Variants in TEX14 observed in about 807,000 individuals in gnomAD.
TEX14 encodes inactive serine/threonine-protein kinase TEX14.
In TEX14, 168 loss-of-function variants were observed where a neutral mutation model predicts 178.6. The ratio of observed to expected loss-of-function variants is 0.94; its 90% CI spans 0.83 to 1.07. TEX14 has a LOEUF of 1.07. Among genes scored for constraint, TEX14 ranks in the 50% least tolerant of loss-of-function variants. The pLI, the probability that TEX14 is intolerant of heterozygous loss-of-function variation, is 0.00. For synonymous variants in TEX14, 626 were observed against 634.1 expected (o/e 0.99, Z 0.19); for missense variants, 1,730 against 1,753.6 (o/e 0.99, Z 0.24).
intron 2 of TEX14, 57 bp from the exon 3 acceptor site, chr17:58,630,611 T>C: frequency 8.2e-7 from 1 of 1,212,466 alleles, no homozygotes; most frequent in Non-Finnish European, 1.2e-6. Context: ...GAGAAGGAAC[T>C]GGGTAGGGGG....
intron 8 of TEX14, 41 bp downstream of exon 8, chr17:58,615,191 A>G (rs1008377854): frequency 8.4e-7 from 1 of 1,191,212 alleles, no homozygotes. Flanking sequence ...GAGTCTGTAG[A>G]GAGACCTGGA....
At chr17:58,649,083 T>G (rs2143230470) in intron 2 of TEX14, among the ~76,000 whole-genome samples, 1 of 147,610 alleles carries the variant, frequency 6.8e-6, no homozygotes, top group East Asian at 2.0e-4. Context: ...GGCCTCTTTT[T>G]TTTTTTTTTC....
intron 1 of TEX14, among the ~76,000 whole-genome samples, chr17:58,667,871 C>T (rs1296577464): frequency 2.1e-5 from 3 of 143,762 alleles, no homozygotes; most frequent in Admixed American, 7.2e-5. Flanking sequence ...CCAGCCTGGG[C>T]GACAGAGTGA....
intron 15 of TEX14, among the ~76,000 whole-genome samples, chr17:58,591,981 C>T (rs1032602340): frequency 6.6e-6 from 1 of 151,670 alleles, no homozygotes; most frequent in Non-Finnish European, 1.5e-5. Flanking sequence ...ATCGCTTGAA[C>T]CCAGGAGGTG....
At chr17:58,593,798 C>G in intron 14 of TEX14, 137 bp from the exon 15 acceptor site, 1 of 714,768 alleles carries the variant, frequency 1.4e-6, no homozygotes, top group Non-Finnish European at 2.4e-6. Flanking sequence ...TTGCATGTTT[C>G]CTATCTGCTA....
chr17:58,651,236 C>G (rs901536838), intron 2 of TEX14, among the ~76,000 whole-genome samples: 2 of 152,188 alleles, frequency 1.3e-5, no homozygotes, highest in Non-Finnish European at 2.9e-5. Context: ...TGTGATCATG[C>G]TACTGCACTG....
chr17:58,602,488 T>C lies in TEX14; in HGVS notation c.1439A>G (p.Asp480Gly), dbSNP rs1183421196. Residue 480 changes from aspartate to glycine, a missense_variant, in exon 12 of 32, where the codon GAT becomes GGT. Coordinates refer to ENST00000349033, the MANE Select transcript of TEX14 (RefSeq NM_031272.5). ...ADVRLPKPYY[D>G]IVKSGIHVKQ... Reference sequence around the variant, plus strand: ...GACGTGGATGCCTGACTTAACAATATCATAGTAAGGTTTCGGAAGCCTGAC... The same window carrying C: ...GACGTGGATGCCTGACTTAACAATACCATAGTAAGGTTTCGGAAGCCTGAC... The C allele has an allele frequency of 1.2e-6, 2 of 1,613,982 alleles. No individual in the cohort carries two copies. The highest frequency in any genetic ancestry group is 1.1e-5 in the South Asian group (1 of 91,080).
chr17:58,579,805 T>C, intron 19 of TEX14, 74 bp from the exon 20 acceptor site: 1 of 1,187,456 alleles, frequency 8.4e-7, no homozygotes, highest in Non-Finnish European at 1.2e-6. Context: ...CAATAATTTC[T>C]TGATGTTCTT....
At chr17:58,661,146 C>T in intron 1 of TEX14, 1 of 831,568 alleles carries the variant, frequency 1.2e-6, no homozygotes, top group Non-Finnish European at 2.2e-6. Flanking sequence ...GATGCCATAG[C>T]AACGAGGCTA....
chr17:58,559,976 T>C (rs7225896), intron 29 of TEX14, among the ~76,000 whole-genome samples: 24,658 of 152,234 alleles, frequency 0.16, 2,428 homozygotes, highest in Non-Finnish European at 0.21. Flanking sequence ...CATCATTTAT[T>C]TTATCATCTT....
chr17:58,635,069 T>C (rs1460170658), intron 2 of TEX14, among the ~76,000 whole-genome samples: 1 of 151,854 alleles, frequency 6.6e-6, no homozygotes, highest in Non-Finnish European at 1.5e-5. Flanking sequence ...AAGGTGGAAG[T>C]TGCAGTGAGC....
intron 1 of TEX14, among the ~76,000 whole-genome samples, chr17:58,655,251 T>G (rs936429632): frequency 6.6e-6 from 1 of 151,886 alleles, no homozygotes; most frequent in Admixed American, 6.6e-5. Flanking sequence ...GGGCGCAATC[T>G]CAGCTCACCA....
At chr17:58,591,050 A>T (rs944263621) in intron 15 of TEX14, among the ~76,000 whole-genome samples, 2 of 152,046 alleles carry the variant, frequency 1.3e-5, no homozygotes, top group African/African-American at 4.8e-5. Context: ...TGTTCTTTGT[A>T]CTTCTGAGGG....
At chr17:58,602,086 T>A (rs979926697) in intron 12 of TEX14, 130 bp from the exon 13 acceptor site, 1 of 920,052 alleles carries the variant, frequency 1.1e-6, no homozygotes, top group Non-Finnish European at 1.6e-6. Flanking sequence ...TTAGTCCTAA[T>A]TAACTAGTTT....
chr17:58,572,223 G>T (rs2044549046), intron 23 of TEX14, 97 bp from the exon 24 acceptor site: 2 of 748,524 alleles, frequency 2.7e-6, no homozygotes, highest in South Asian at 3.6e-5. Context: ...GCCCCAATAT[G>T]ATGTGCAGAA....
chr17:58,618,686 T>C (rs1598391242), intron 5 of TEX14, among the ~76,000 whole-genome samples: 1 of 152,240 alleles, frequency 6.6e-6, no homozygotes, highest in East Asian at 1.9e-4. Context: ...GGGCCAGCCC[T>C]ACCTCAGGTC....
chr17:58,597,551 A>G (rs1281814182), intron 14 of TEX14, among the ~76,000 whole-genome samples: 8 of 152,146 alleles, frequency 5.3e-5, no homozygotes, highest in Non-Finnish European at 7.4e-5. Context: ...CCGCCTTCCA[A>G]TGAGGCAGAC....
intron 26 of TEX14, among the ~76,000 whole-genome samples, chr17:58,568,564 T>C (rs1005515761): frequency 6.6e-6 from 1 of 152,114 alleles, no homozygotes; most frequent in Non-Finnish European, 1.5e-5. Flanking sequence ...CGCAGTCAAG[T>C]CTTTCCTAGG....
Position 58,651,900 on chromosome 17 carries a change from C to T in TEX14, c.102G>A (p.Gly34=), listed in dbSNP as rs1310649767. Residue 34 remains glycine (G), a synonymous_variant, in exon 2 of 32, where the codon GGG becomes GGA. Transcript: ENST00000349033. ...EAQLHEYVKQ[G]NYVKVKKILK... ...GAATTTTCTTCACTTTCACATAGTT[C>T]CCTTGTTTGACATACTCATGAAGCT... is the stretch of plus-strand genomic sequence containing the variant. 2 of 1,612,818 alleles carry T rather than the reference C, an allele frequency of 1.2e-6. No individual in the cohort carries two copies. Among genetic ancestry groups the T allele is most frequent in the Non-Finnish European group, 1.7e-6 (2 of 1,179,762 alleles).
Sources: allele counts gnomAD v4.1 joint callset (sites outside exome capture counted in the v4.1 genomes callset), GRCh38; gene constraint gnomAD v4.1.1; transcripts MANE v1.5; gene names NCBI Gene and HGNC (gene_info 2026-07-23, HGNC 2026-07-21).